CAMTA1: variants seen among roughly 807,000 people sequenced by gnomAD.
CAMTA1 encodes calmodulin-binding transcription activator 1.
CAMTA1 carries 27 observed loss-of-function variants against 170.9 expected under a neutral mutation model. The ratio of observed to expected loss-of-function variants is 0.16; its 90% CI spans 0.12 to 0.22. CAMTA1 has a LOEUF of 0.22. Ranked by LOEUF, CAMTA1 falls within the 10% of genes least tolerant of loss-of-function variation. The pLI is 1.00. For synonymous variants in CAMTA1, 833 were observed against 891.5 expected (o/e 0.93, Z 1.17); for missense variants, 1,619 against 2,217.2 (o/e 0.73, Z 5.42).
chr1:7,334,481 T>A (rs1217466012), intron 5 of CAMTA1, among the ~76,000 whole-genome samples: 1 of 152,240 alleles, frequency 6.6e-6, no homozygotes, highest in Non-Finnish European at 1.5e-5. Flanking sequence ...ATGTAGCTAA[T>A]ATTAAGATCT....
At chr1:7,552,795 C>T (rs2094820634) in intron 6 of CAMTA1, among the ~76,000 whole-genome samples, 1 of 152,240 alleles carries the variant, frequency 6.6e-6, no homozygotes, top group African/African-American at 2.4e-5. Flanking sequence ...AGGCCCCTGC[C>T]ACAGCTCCCG....
chr1:7,067,677 A>G lies in CAMTA1; in HGVS notation c.235-23627A>G, dbSNP rs67316652. Among the ~76,000 whole-genome samples, 27,897 of 152,148 alleles carry G rather than the reference A, an allele frequency of 0.18. 2,748 individuals carry two copies. The highest frequency in any genetic ancestry group is 0.22 in the Middle Eastern group (65 of 294). On this transcript the variant is annotated intron_variant, in intron 3 of 22. Coordinates refer to ENST00000303635, the MANE Select transcript of CAMTA1 (RefSeq NM_015215.4). This position sits in a 1 kb window ranked among gnomAD's most constrained non-coding sequence, Gnocchi z 4.3. ...TCTGAGAGGATCAGTTTTACCAGGC[A>G]AGGGCAACTTTTGATGGTTTCCCCA...
intron 7 of CAMTA1, among the ~76,000 whole-genome samples, chr1:7,643,200 G>A (rs567893432): frequency 1.3e-5 from 2 of 150,034 alleles, no homozygotes; most frequent in African/African-American, 5.1e-5. Context: ...GCCTTTCTGA[G>A]CCTTCTGTCT....
At chr1:7,687,110 G>A (rs1471087900) in intron 11 of CAMTA1, among the ~76,000 whole-genome samples, 2 of 151,890 alleles carry the variant, frequency 1.3e-5, no homozygotes, top group African/African-American at 4.8e-5. Context: ...CGTGCAGATG[G>A]CGTTTAGCGC....
chr1:7,120,666 G>A (rs1007410488), intron 4 of CAMTA1, among the ~76,000 whole-genome samples: 2 of 152,172 alleles, frequency 1.3e-5, no homozygotes, highest in Admixed American at 6.5e-5. Flanking sequence ...TAGGGATAAC[G>A]CAGGGGGGAT....
At chr1:6,844,333 C>T (rs537212417) in intron 3 of CAMTA1, among the ~76,000 whole-genome samples, 2 of 152,094 alleles carry the variant, frequency 1.3e-5, no homozygotes, top group East Asian at 1.9e-4. Flanking sequence ...AATATATTTA[C>T]AATTTGTGCT....
intron 4 of CAMTA1, among the ~76,000 whole-genome samples, chr1:7,193,986 C>T (rs1193896450): frequency 6.6e-6 from 1 of 152,122 alleles, no homozygotes; most frequent in Non-Finnish European, 1.5e-5. Flanking sequence ...ATCTTTCATG[C>T]CCTTAGCATC....
At chr1:7,410,682 T>G (rs2090645923) in intron 5 of CAMTA1, among the ~76,000 whole-genome samples, 1 of 152,232 alleles carries the variant, frequency 6.6e-6, no homozygotes, top group South Asian at 2.1e-4. Flanking sequence ...TGAGAGTCCT[T>G]GAGTGTGGAC....
intron 5 of CAMTA1, among the ~76,000 whole-genome samples, chr1:7,361,687 T>TTTATGCATGGCAATAAATTTC (rs1359195609): frequency 1.3e-5 from 2 of 152,226 alleles, no homozygotes; most frequent in Non-Finnish European, 2.9e-5. Flanking sequence ...ACATTAAACT[T>TTTATGCATGGCAATAAATTTC]TTATGCATGG....
intron 3 of CAMTA1, among the ~76,000 whole-genome samples, chr1:6,992,085 T>A (rs1696475337): frequency 6.6e-6 from 1 of 152,256 alleles, no homozygotes; most frequent in African/African-American, 2.4e-5. Flanking sequence ...TATTTATTTA[T>A]TTTTGAGCTA....
At chr1:7,148,600 C>A (rs943063153) in intron 4 of CAMTA1, among the ~76,000 whole-genome samples, 2 of 152,188 alleles carry the variant, frequency 1.3e-5, no homozygotes, top group Non-Finnish European at 2.9e-5. Flanking sequence ...GAGTGAGCAC[C>A]AAGGCCCTCC....
At position 6,887,946 on chromosome 1, in the gene CAMTA1, G is replaced by C. The variant is rs187008160; in HGVS notation, c.234+62736G>C. Reference sequence around the variant, plus strand: ...CTCCGCAGCCTGACTGAGCTCTGGAGAGCAGGGCTCTGTGCACACGCCTCC... The same window carrying C: ...CTCCGCAGCCTGACTGAGCTCTGGACAGCAGGGCTCTGTGCACACGCCTCC... On this transcript the variant is annotated intron_variant, in intron 3 of 22. Transcript: ENST00000303635. The surrounding 1 kb of genome is among the most constrained non-coding windows in gnomAD (Gnocchi z 4.1). The C allele has an allele frequency of 7.4e-4, 963 of 1,307,768 alleles. No homozygotes were observed. Among genetic ancestry groups the C allele is most frequent in the Non-Finnish European group, 8.6e-4 (880 of 1,019,996 alleles). 81.0% of individuals were successfully genotyped at this position (1,307,768 alleles called of 1,614,324 possible). A position where few individuals can be genotyped will look rare whatever the true frequency, so the allele number is the denominator to read the frequency against.
chr1:7,478,637 G>A (rs922145055), intron 6 of CAMTA1, among the ~76,000 whole-genome samples: 5 of 152,198 alleles, frequency 3.3e-5, no homozygotes, highest in South Asian at 2.1e-4. Flanking sequence ...CCTCCACAGC[G>A]TGTGCTGTCA....
chr1:6,958,454 G>C (rs1178510049), intron 3 of CAMTA1, among the ~76,000 whole-genome samples: 1 of 152,148 alleles, frequency 6.6e-6, no homozygotes, highest in South Asian at 2.1e-4. Flanking sequence ...CTCTCGGACA[G>C]GTTCTCTGAT....
rs112948428 is a variant in CAMTA1 at position 7,579,839 on chromosome 1, C to T, written c.511-60561C>T. On this transcript the variant is annotated intron_variant, in intron 6 of 22. Coordinates refer to ENST00000303635, the MANE Select transcript of CAMTA1 (RefSeq NM_015215.4). Reference sequence around the variant, plus strand: ...CTTCCCCAAGTGCTGGGATTAGAAGCGTGAGCCACCGCGCCCAGCCTTAAA... The same window carrying T: ...CTTCCCCAAGTGCTGGGATTAGAAGTGTGAGCCACCGCGCCCAGCCTTAAA... 9.0e-3 allele frequency among the ~76,000 whole-genome samples: 1,370 copies of T among 152,260 alleles called. 19 individuals carry two copies. The highest frequency in any genetic ancestry group is 0.032 in the African/African-American group (1,316 of 41,556).
At chr1:7,053,563 T>A (rs1186552068) in intron 3 of CAMTA1, among the ~76,000 whole-genome samples, 1 of 152,060 alleles carries the variant, frequency 6.6e-6, no homozygotes, top group Non-Finnish European at 1.5e-5. Context: ...GATGCTGAAG[T>A]CCTCACTGTG....
At chr1:7,695,161 G>A (rs568071594) in intron 11 of CAMTA1, among the ~76,000 whole-genome samples, 1 of 152,260 alleles carries the variant, frequency 6.6e-6, no homozygotes, top group Admixed American at 6.5e-5. Context: ...AGCCAGCCCA[G>A]AAATGCTGCA....
Position 7,673,604 on chromosome 1 carries a change from G to A in CAMTA1, c.2779+2567G>A, listed in dbSNP as rs1449361767. Among the ~76,000 whole-genome samples the A allele has an allele frequency of 6.6e-6, 1 of 152,202 alleles. No individual in the cohort carries two copies. The highest frequency in any genetic ancestry group is 2.4e-5 in the African/African-American group (1 of 41,430). The stretch of plus-strand genomic sequence containing the variant: ...CTAGCTGTTCAGGCTCATTATATGA[G>A]CCATAATGTGTCTCGGACCAAGGGA... On this transcript the variant is annotated intron_variant, in intron 10 of 22. Transcript: ENST00000303635. This position sits in a 1 kb window ranked among gnomAD's most constrained non-coding sequence, Gnocchi z 4.6.
chr1:7,499,150 A>G (rs1396651787), intron 6 of CAMTA1, among the ~76,000 whole-genome samples: 3 of 102,862 alleles, frequency 2.9e-5, no homozygotes, highest in African/African-American at 3.9e-5. Context: ...GTGTGTACGT[A>G]TATGAGTGTG....
Sources: allele counts gnomAD v4.1 joint callset (sites outside exome capture counted in the v4.1 genomes callset), GRCh38; gene constraint gnomAD v4.1.1; non-coding constraint Gnocchi (gnomAD v3.1); transcripts MANE v1.5; gene names NCBI Gene and HGNC (gene_info 2026-07-23, HGNC 2026-07-21).